Variants in DNAH9 observed in about 807,000 individuals in gnomAD.
The protein encoded by DNAH9 is dynein axonemal heavy chain 9.
A neutral mutation model predicts 471.6 loss-of-function variants in DNAH9; 345 were observed. The observed-to-expected ratio is 0.73, with a 90% CI of 0.67 to 0.80. The LOEUF is 0.80. Among genes scored for constraint, DNAH9 ranks in the 30% least tolerant of loss-of-function variants. The pLI, the probability that DNAH9 is intolerant of heterozygous loss-of-function variation, is 0.00. For missense variants in DNAH9, 5,407 were observed against 5,609.2 expected (o/e 0.96, Z 1.15); for synonymous variants, 2,093 against 2,123.6 (o/e 0.99, Z 0.40).
intron 20 of DNAH9, among the ~76,000 whole-genome samples, chr17:11,693,178 G>C (rs1205288742): frequency 6.7e-6 from 1 of 148,546 alleles, no homozygotes; most frequent in Non-Finnish European, 1.5e-5. Context: ...CTCCCAAAGT[G>C]CTGGGATTAC....
chr17:11,760,285 C>A (rs949472932), intron 35 of DNAH9, among the ~76,000 whole-genome samples: 5 of 152,186 alleles, frequency 3.3e-5, no homozygotes, highest in African/African-American at 1.2e-4. Flanking sequence ...TCCTGAGACA[C>A]TTGTCCCATA....
intron 37 of DNAH9, 57 bp from the exon 38 acceptor site, chr17:11,769,065 T>A: frequency 6.3e-7 from 1 of 1,577,290 alleles, no homozygotes; most frequent in Non-Finnish European, 8.7e-7. Context: ...ACGCCGCTGG[T>A]GCATCTGTTT....
At chr17:11,953,461 T>A (rs150476082) in intron 67 of DNAH9, among the ~76,000 whole-genome samples, 116 of 152,344 alleles carry the variant, frequency 7.6e-4, no homozygotes, top group African/African-American at 2.7e-3. Context: ...TCAAAGCTAC[T>A]GGACATTGGG....
intron 45 of DNAH9, among the ~76,000 whole-genome samples, chr17:11,811,780 C>G (rs1478413073): frequency 6.6e-6 from 1 of 151,610 alleles, no homozygotes; most frequent in Non-Finnish European, 1.5e-5. Flanking sequence ...TTCCTGGACA[C>G]TGTTACAGAT....
chr17:11,802,987 C>T (rs1417684024), intron 43 of DNAH9, among the ~76,000 whole-genome samples: 3 of 152,154 alleles, frequency 2.0e-5, no homozygotes, highest in Non-Finnish European at 4.4e-5. Context: ...GGATGCTTAA[C>T]CCCCAAGCCT....
intron 67 of DNAH9, among the ~76,000 whole-genome samples, chr17:11,960,826 T>G (rs948796596): frequency 3.3e-5 from 5 of 152,162 alleles, no homozygotes; most frequent in Admixed American, 3.3e-4. Context: ...GCCAGTCTCC[T>G]GTCCCACAGG....
Position 11,669,486 on chromosome 17 carries a change from C to T in DNAH9, c.3045C>T (p.Tyr1015=). 1 of 1,614,158 alleles carries T rather than the reference C, an allele frequency of 6.2e-7. No individual in the cohort carries two copies. The highest frequency in any genetic ancestry group is 8.5e-7 in the Non-Finnish European group (1 of 1,180,024). ...GYQSTFSQYS[Y]LYVEDRKEVL... is the part of the protein sequence containing the mutation. ...AGAGCACCTTCAGCCAGTATTCGTA[C>T]CTCTATGTGGAGGACCGGAAGGAGG... Residue 1015 remains tyrosine, a synonymous_variant, in exon 17 of 69, where the codon TAC becomes TAT. Transcript: ENST00000262442.
intron 62 of DNAH9, 80 bp downstream of exon 62, chr17:11,924,021 C>T: frequency 1.3e-6 from 2 of 1,550,246 alleles, no homozygotes; most frequent in South Asian, 2.5e-5. Flanking sequence ...TCCATCCACT[C>T]TTAGCTTCTC....
intron 61 of DNAH9, among the ~76,000 whole-genome samples, chr17:11,915,171 A>C (rs994552591): frequency 6.6e-6 from 1 of 152,228 alleles, no homozygotes. Flanking sequence ...GCCATTCTGC[A>C]GCCAGAGTCA....
At chr17:11,809,162 C>T (rs1969796414) in intron 44 of DNAH9, among the ~76,000 whole-genome samples, 1 of 152,062 alleles carries the variant, frequency 6.6e-6, no homozygotes, top group African/African-American at 2.4e-5. Context: ...CATCCATCTG[C>T]AGTTTTCAAT....
chr17:11,880,688 TGAAG>T (rs980206696), intron 54 of DNAH9, among the ~76,000 whole-genome samples: 42 of 152,232 alleles, frequency 2.8e-4, no homozygotes, highest in African/African-American at 1.0e-3. Flanking sequence ...TGGGTTCGTA[TGAAG>T]GGCAGAGTAA....
chr17:11,818,178 C>A (rs1228633444), intron 45 of DNAH9, among the ~76,000 whole-genome samples: 2 of 152,222 alleles, frequency 1.3e-5, no homozygotes, highest in African/African-American at 2.4e-5. Context: ...CGCCTATAAT[C>A]CCAGCACTTT....
chr17:11,701,561 C>T (rs1417760825), intron 24 of DNAH9, among the ~76,000 whole-genome samples: 2 of 152,212 alleles, frequency 1.3e-5, no homozygotes, highest in South Asian at 2.1e-4. Context: ...GTGCTGAGCA[C>T]AGGACACACC....
chr17:11,888,379 A>G (rs1972950483), intron 57 of DNAH9, among the ~76,000 whole-genome samples: 1 of 152,196 alleles, frequency 6.6e-6, no homozygotes, highest in Admixed American at 6.5e-5. Context: ...AAAACAGCAT[A>G]AAAATTGGCA....
At chr17:11,954,791 G>A (rs199596014) in intron 67 of DNAH9, among the ~76,000 whole-genome samples, 9 of 102,692 alleles carry the variant, frequency 8.8e-5, no homozygotes, top group African/African-American at 1.6e-4. Context: ...AAAAAAAAGA[G>A]AGAGAAAGAA....
intron 12 of DNAH9, among the ~76,000 whole-genome samples, 183 bp from the exon 13 acceptor site, chr17:11,650,886 T>G (rs1369635894): frequency 6.6e-6 from 1 of 152,212 alleles, no homozygotes; most frequent in Non-Finnish European, 1.5e-5. Context: ...CCGAGACATC[T>G]TCCTTCTGCC....
At chr17:11,714,623 G>A (rs775682507) in intron 26 of DNAH9, among the ~76,000 whole-genome samples, 68 of 152,066 alleles carry the variant, frequency 4.5e-4, no homozygotes, top group Middle Eastern at 3.2e-3. Context: ...CCATGGTTGT[G>A]TATTGTTATA....
At chr17:11,887,983 T>TG (rs1972930123) in intron 57 of DNAH9, among the ~76,000 whole-genome samples, 1 of 145,712 alleles carries the variant, frequency 6.9e-6, no homozygotes, top group Non-Finnish European at 1.5e-5. Flanking sequence ...ATTTTATGGT[T>TG]TTTTGTTTTT....
chr17:11,640,245 C>T (rs373873924), intron 9 of DNAH9, 25 bp from the exon 10 acceptor site: 24 of 1,467,052 alleles, frequency 1.6e-5, no homozygotes, highest in South Asian at 8.1e-5. Flanking sequence ...AGACTCATTT[C>T]GGTCTGTCTG....
Sources: gnomAD v4.1 joint callset for allele counts (sites outside exome capture counted in the v4.1 genomes callset) on GRCh38, gnomAD v4.1.1 for gene constraint, MANE v1.5 for transcripts, NCBI Gene and HGNC (gene_info 2026-07-23, HGNC 2026-07-21) for gene names.